Variants in CNRIP1 observed in about 807,000 individuals in gnomAD.
The protein encoded by CNRIP1 is cannabinoid receptor interacting protein 1.
CNRIP1 carries 10 observed loss-of-function variants against 15.2 expected under a neutral mutation model. The observed-to-expected ratio is 0.66, with a 90% CI of 0.41 to 1.12. The LOEUF (loss-of-function observed/expected upper bound fraction) is 1.12, where lower values mean the gene tolerates loss of function less well. Ranked by LOEUF, CNRIP1 falls within the 50% of genes most tolerant of loss-of-function variation. The pLI is 0.00. For synonymous variants in CNRIP1, 91 were observed against 83.2 expected, an observed-to-expected ratio of 1.09 and a Z score of -0.51; for missense variants, 211 against 214.7, an observed-to-expected ratio of 0.98 and a Z score of 0.11.
Position 68,297,711 on chromosome 2 carries a change from G to T in CNRIP1, c.331-3685C>A, listed in dbSNP as rs1387567079. Among the ~76,000 whole-genome samples, 3 of 152,080 alleles carry T rather than the reference G, an allele frequency of 2.0e-5. No homozygotes were observed. The South Asian group carries it at 6.2e-4, about 31-fold the overall frequency. On this transcript the variant is annotated intron_variant, in intron 2 of 2. Transcript: ENST00000263655. Reference sequence around the variant, plus strand: ...AACAACTTAGTGACAATTTCTGAGTGCCAGAAACAATCTAAGCATCCAACA... The same window carrying T: ...AACAACTTAGTGACAATTTCTGAGTTCCAGAAACAATCTAAGCATCCAACA...
downstream of CNRIP1, among the ~76,000 whole-genome samples, chr2:68,292,498 C>T (rs1016536696): frequency 3.9e-5 from 6 of 152,180 alleles, no homozygotes; most frequent in South Asian, 2.1e-4. Context: ...CAATCCCCAA[C>T]GAACTTTTTC....
intron 1 of CNRIP1, among the ~76,000 whole-genome samples, chr2:68,318,455 A>G (rs1001074915): frequency 6.6e-6 from 1 of 152,202 alleles, no homozygotes; most frequent in Non-Finnish European, 1.5e-5. Context: ...CTTTCCCGCC[A>G]GAGGTCTACT....
At position 68,319,599 on chromosome 2, in the gene CNRIP1, C is replaced by A; in HGVS notation, c.-199G>T. 5.7e-6 allele frequency: 3 copies of A among 526,710 alleles called. No homozygotes were observed. Among genetic ancestry groups the A allele is most frequent in the Non-Finnish European group, 9.8e-6 (3 of 306,268 alleles). 32.6% of individuals were successfully genotyped at this position (526,710 alleles called of 1,614,324 possible). On this transcript the variant is annotated 5_prime_UTR_variant, in exon 1 of 3. Coordinates refer to ENST00000263655, the MANE Select transcript of CNRIP1 (RefSeq NM_015463.3). ...AGGAGCAGCTCCTTAGGCTGTGGCC[C>A]CCCTCCCCACTCGGCGAGGAAGCGG...
intron 2 of CNRIP1, among the ~76,000 whole-genome samples, chr2:68,297,567 CAAAAAAAAA>C (rs112601365): frequency 5.1e-5 from 5 of 98,866 alleles, no homozygotes; most frequent in Admixed American, 9.9e-5. Flanking sequence ...GACACTGTCT[CAAAAAAAAA>C]AAAAAAAAAA....
chr2:68,286,849 C>T (rs756936000), intron 2 of CNRIP1, among the ~76,000 whole-genome samples: 1 of 152,176 alleles, frequency 6.6e-6, no homozygotes, highest in Non-Finnish European at 1.5e-5. Context: ...GGTAGCCTAA[C>T]CTCTCTGAGC....
At chr2:68,311,864 C>T (rs186540344) in intron 2 of CNRIP1, among the ~76,000 whole-genome samples, 20 of 148,542 alleles carry the variant, frequency 1.3e-4, no homozygotes, top group Admixed American at 4.7e-4. Flanking sequence ...TGAAGAATGG[C>T]GGAGATTATA....
chr2:68,316,178 T>G (rs1672264844), intron 2 of CNRIP1: 1 of 152,104 alleles, frequency 6.6e-6, no homozygotes. Context: ...TTTCTCAAAG[T>G]GCATTCCCAC....
rs555928480 is a variant in CNRIP1, at chr2:68,305,808, A to AC, written c.330+11348_330+11349insG. ...AAGACTCTTCCAAAAAAAAAAAAAA[A>AC]ACACACACACACACACCTGGCAGTA... On this transcript the variant is annotated intron_variant, in intron 2 of 2. Coordinates refer to ENST00000263655, the MANE Select transcript of CNRIP1 (RefSeq NM_015463.3). Among the ~76,000 whole-genome samples, 644 of 144,008 alleles carry AC rather than the reference A, an allele frequency of 4.5e-3. 7 individuals carry two copies. The South Asian group carries it at 0.05, about 11-fold the overall frequency. The allele number at this position is 144,008 out of a possible 152,430, so 94.5% of individuals were successfully genotyped here. A position where few individuals can be genotyped will look rare whatever the true frequency, so the allele number is the denominator to read the frequency against.
intron 2 of CNRIP1, among the ~76,000 whole-genome samples, chr2:68,296,730 C>T (rs868379724): frequency 2.1e-4 from 32 of 152,142 alleles, no homozygotes; most frequent in African/African-American, 7.0e-4. Context: ...CTCTGCTGCC[C>T]GGGTTCAAGC....
intron 1 of CNRIP1, among the ~76,000 whole-genome samples, chr2:68,317,869 G>A (rs1013389014): frequency 1.3e-5 from 2 of 152,126 alleles, no homozygotes; most frequent in African/African-American, 4.8e-5. Context: ...AAGCACTCCA[G>A]GTGATTCTGA....
intron 2 of CNRIP1, among the ~76,000 whole-genome samples, chr2:68,285,667 AAAAAAG>A (rs77610854): frequency 6.6e-4 from 95 of 143,812 alleles, no homozygotes; most frequent in African/African-American, 2.4e-3. Context: ...AAAAAAAAAA[AAAAAAG>A]AAAAGAAAAG....
chr2:68,312,279 C>T (rs1672122436), intron 2 of CNRIP1, among the ~76,000 whole-genome samples: 1 of 151,566 alleles, frequency 6.6e-6, no homozygotes, highest in Non-Finnish European at 1.5e-5. Flanking sequence ...AAACCATGAC[C>T]AGTGGTATTT....
chr2:68,319,211 C>T lies in CNRIP1; in HGVS notation c.179+11G>A, dbSNP rs925154250. The T allele has an allele frequency of 5.9e-5, 90 of 1,538,090 alleles. No individual in the cohort carries two copies. The highest frequency in any genetic ancestry group is 7.3e-5 in the Non-Finnish European group (83 of 1,140,150). The stretch of plus-strand genomic sequence containing the variant: ...GGGGGACCCTGCTGCCACCAGGCGC[C>T]CCGCACTCACTCGACCTGCAGCGTG... On this transcript the variant is annotated intron_variant, in intron 1 of 2. Transcript: ENST00000263655.
intron 2 of CNRIP1, 24 bp downstream of exon 2, chr2:68,317,133 C>G: frequency 3.1e-6 from 5 of 1,614,138 alleles, no homozygotes; most frequent in Non-Finnish European, 4.2e-6. Context: ...GCACCATACT[C>G]CTATACCCGC....
At chr2:68,302,952 A>G (rs915732259) in intron 2 of CNRIP1, among the ~76,000 whole-genome samples, 28 of 141,392 alleles carry the variant, frequency 2.0e-4, no homozygotes, top group South Asian at 1.3e-3. Context: ...GGTTCACGCC[A>G]TTCTCCTGCC....
chr2:68,294,748 C>G (rs1484129139), intron 2 of CNRIP1, among the ~76,000 whole-genome samples: 1 of 152,120 alleles, frequency 6.6e-6, no homozygotes. Flanking sequence ...ACTTATAAGT[C>G]AGGAGTCCAT....
downstream of CNRIP1, among the ~76,000 whole-genome samples, chr2:68,292,800 C>T (rs759988083): frequency 2.2e-4 from 34 of 152,088 alleles, no homozygotes; most frequent in African/African-American, 5.1e-4. Context: ...TTTGATTGCC[C>T]GCCAAGCACC....
At chr2:68,309,060 T>G (rs1396046771) in intron 2 of CNRIP1, among the ~76,000 whole-genome samples, 2 of 152,174 alleles carry the variant, frequency 1.3e-5, no homozygotes, top group African/African-American at 4.8e-5. Flanking sequence ...ACACTCCACA[T>G]GAAACATTTA....
chr2:68,285,422 T>C (rs1242070204), intron 2 of CNRIP1, among the ~76,000 whole-genome samples: 1 of 151,954 alleles, frequency 6.6e-6, no homozygotes, highest in African/African-American at 2.4e-5. Context: ...GAGACAATGG[T>C]AAATGTGGAT....
Sources: allele counts gnomAD v4.1 joint callset (sites outside exome capture counted in the v4.1 genomes callset), GRCh38; gene constraint gnomAD v4.1.1; transcripts MANE v1.5; gene names NCBI Gene and HGNC (gene_info 2026-07-23, HGNC 2026-07-21).